CLVS1: variants seen among roughly 807,000 people sequenced by gnomAD.
The protein encoded by CLVS1 is clavesin 1, also known as clavesin-1.
A neutral mutation model predicts 33.1 loss-of-function variants in CLVS1; 10 were observed. The observed-to-expected ratio is 0.30, with a 90% CI of 0.19 to 0.51. The LOEUF is 0.51. Among genes scored for constraint, CLVS1 ranks in the 20% least tolerant of loss-of-function variants. The pLI is 0.97. For synonymous variants in CLVS1, 163 were observed against 166.1 expected (o/e 0.98, Z 0.14); for missense variants, 343 against 433.4 (o/e 0.79, Z 1.85).
At position 61,501,197 on chromosome 8, in the gene CLVS1, C is replaced by CATAG. The variant is rs891261473; in HGVS notation, c.*1660_*1663dup. ...GAAACACTTTTCTTATGTACCAAGACATAGATAGGTAAGAGAAATAAAGAA... is the reference window on the plus strand; with the variant it reads ...GAAACACTTTTCTTATGTACCAAGACATAGATAGATAGGTAAGAGAAATAAAGAA... On this transcript the variant is annotated 3_prime_UTR_variant, in exon 6 of 6. Coordinates refer to ENST00000325897, the MANE Select transcript of CLVS1 (RefSeq NM_173519.3). The CATAG allele has an allele frequency of 6.6e-6, 1 of 152,046 alleles. No homozygotes were observed. The highest frequency in any genetic ancestry group is 2.1e-4 in the South Asian group (1 of 4,828). 9.4% of individuals were successfully genotyped at this position (152,046 alleles called of 1,614,324 possible).
At chr8:61,359,107 G>A (rs1187182592) in intron 2 of CLVS1, among the ~76,000 whole-genome samples, 1 of 152,104 alleles carries the variant, frequency 6.6e-6, no homozygotes, top group Admixed American at 6.6e-5. Flanking sequence ...AAATGTTTTT[G>A]TTTGCTGATT....
At chr8:61,248,778 G>T (rs138642998) in intron 2 of CLVS1, among the ~76,000 whole-genome samples, 1 of 151,918 alleles carries the variant, frequency 6.6e-6, no homozygotes, top group Non-Finnish European at 1.5e-5. Flanking sequence ...ACACCCAGAA[G>T]TCCTCTCTTA....
chr8:61,238,461 C>T (rs568859929), intron 2 of CLVS1, among the ~76,000 whole-genome samples: 58 of 152,190 alleles, frequency 3.8e-4, no homozygotes, highest in African/African-American at 9.6e-4. Flanking sequence ...GGCTGTGGTG[C>T]GACTCCTGAA....
chr8:60,985,883 C>T, the CLVS1 span, among the ~76,000 whole-genome samples: 1 of 151,798 alleles, frequency 6.6e-6, no homozygotes, highest in African/African-American at 2.4e-5. Context: ...CACGTTTAGC[C>T]TTTATCCGGC....
At chr8:61,326,625 G>A (rs1303723696) in intron 2 of CLVS1, among the ~76,000 whole-genome samples, 1 of 152,172 alleles carries the variant, frequency 6.6e-6, no homozygotes, top group African/African-American at 2.4e-5. Flanking sequence ...TCGCAGTACA[G>A]AGGAACATGT....
chr8:61,293,753 A>G lies in CLVS1; in HGVS notation c.-152+5615A>G, dbSNP rs542131317. Among the ~76,000 whole-genome samples, 7 of 152,280 alleles carry G rather than the reference A, an allele frequency of 4.6e-5. No individual in the cohort carries two copies. In the South Asian group the frequency reaches 1.5e-3, roughly 32 times the overall value. On this transcript the variant is annotated intron_variant, in intron 1 of 5. Coordinates refer to ENST00000325897, the MANE Select transcript of CLVS1 (RefSeq NM_173519.3). The stretch of plus-strand genomic sequence containing the variant: ...ATTCAATATATATTAAAAATTTGGA[A>G]ACAAAAATTCACACATACCAATGGA...
At chr8:61,311,260 T>C (rs933822856) in intron 2 of CLVS1, among the ~76,000 whole-genome samples, 1 of 152,210 alleles carries the variant, frequency 6.6e-6, no homozygotes, top group Admixed American at 6.5e-5. Flanking sequence ...ACTGCATGTG[T>C]GTATGGTGTG....
intron 2 of CLVS1, among the ~76,000 whole-genome samples, chr8:61,275,183 A>AT (rs897629514): frequency 2.8e-4 from 43 of 152,098 alleles, no homozygotes; most frequent in Admixed American, 2.4e-3. Context: ...TTTTATTTTT[A>AT]TTTTTTTAGT....
chr8:61,453,057 C>T (rs1280831096), intron 3 of CLVS1, among the ~76,000 whole-genome samples: 2 of 151,472 alleles, frequency 1.3e-5, no homozygotes, highest in African/African-American at 4.9e-5. Flanking sequence ...GCCAGCCAGA[C>T]TCCCTCGGCT....
Position 61,500,364 on chromosome 8 carries a change from C to T in CLVS1, c.*822C>T, listed in dbSNP as rs558290512. The T allele has an allele frequency of 1.3e-5, 2 of 152,202 alleles. No individual in the cohort carries two copies. Among genetic ancestry groups the T allele is most frequent in the Admixed American group, 1.3e-4 (2 of 15,276 alleles). The allele number at this position is 152,202 out of a possible 1,614,324, so 9.4% of individuals were successfully genotyped here. ...AATGAATCCATTCCAGTTGCCTCAA[C>T]TGGGTCACTACAGCAAAGAAAAGTG... On this transcript the variant is annotated 3_prime_UTR_variant, in exon 6 of 6. Transcript: ENST00000325897.
the CLVS1 span, among the ~76,000 whole-genome samples, chr8:60,996,537 C>T: frequency 2.0e-5 from 3 of 152,204 alleles, no homozygotes; most frequent in Non-Finnish European, 4.4e-5. Context: ...CTGGATCATT[C>T]TCTTGGACCC....
intron 2 of CLVS1, among the ~76,000 whole-genome samples, chr8:61,271,644 G>T (rs1162400457): frequency 2.6e-5 from 2 of 76,470 alleles, no homozygotes; most frequent in Non-Finnish European, 4.1e-5. Flanking sequence ...TATTGTGTGG[G>T]AGTCTAAGTC....
chr8:61,283,882 C>T (rs1401883055), upstream of CLVS1, among the ~76,000 whole-genome samples: 1 of 152,166 alleles, frequency 6.6e-6, no homozygotes, highest in Non-Finnish European at 1.5e-5. Flanking sequence ...TGGGAAACAG[C>T]AATTTGTGTT....
chr8:61,026,916 A>G, the CLVS1 span, among the ~76,000 whole-genome samples: 3 of 152,048 alleles, frequency 2.0e-5, no homozygotes, highest in African/African-American at 7.2e-5. Flanking sequence ...CTGCTTGTGC[A>G]CTTGAAAATT....
chr8:61,250,499 A>T (rs555466210), intron 2 of CLVS1, among the ~76,000 whole-genome samples: 10 of 152,182 alleles, frequency 6.6e-5, no homozygotes, highest in Admixed American at 4.6e-4. Context: ...ATCATAAATT[A>T]CTCTGGGCAG....
intron 2 of CLVS1, among the ~76,000 whole-genome samples, chr8:61,302,471 C>G (rs1000991644): frequency 1.3e-5 from 2 of 152,088 alleles, no homozygotes; most frequent in African/African-American, 2.4e-5. Context: ...TGAGAACATA[C>G]AATCCCTGCC....
At chr8:61,237,397 A>G (rs1808591277) in intron 2 of CLVS1, among the ~76,000 whole-genome samples, 1 of 152,220 alleles carries the variant, frequency 6.6e-6, no homozygotes, top group South Asian at 2.1e-4. Flanking sequence ...GCAGTGAGCT[A>G]TGATTGCACC....
intron 2 of CLVS1, among the ~76,000 whole-genome samples, chr8:61,231,863 C>T (rs1808439205): frequency 6.6e-6 from 1 of 152,052 alleles, no homozygotes; most frequent in Non-Finnish European, 1.5e-5. Flanking sequence ...TTCAGTCGAA[C>T]CTTACCCATG....
chr8:61,422,968 A>T (rs143949902), intron 3 of CLVS1, among the ~76,000 whole-genome samples: 36 of 152,304 alleles, frequency 2.4e-4, no homozygotes, highest in African/African-American at 7.2e-4. Context: ...TCCCTCCTAC[A>T]GAGAGCTGAG....
Sources: gnomAD v4.1 joint callset for allele counts (sites outside exome capture counted in the v4.1 genomes callset) on GRCh38, gnomAD v4.1.1 for gene constraint, MANE v1.5 for transcripts, NCBI Gene and HGNC (gene_info 2026-07-23, HGNC 2026-07-21) for gene names.